NRG3: variants seen among roughly 807,000 people sequenced by gnomAD.
NRG3 encodes pro-neuregulin-3, membrane-bound isoform.
A neutral mutation model predicts 66.9 loss-of-function variants in NRG3; 31 were observed. That is an observed-to-expected ratio of 0.46 (90% CI 0.35 to 0.63). The LOEUF is 0.63. NRG3 is among the 20% of genes least tolerant of loss of function. The probability of loss-of-function intolerance (pLI) is 0.00; values close to 1 mark genes in which losing one functional copy is unlikely to be tolerated. For missense variants in NRG3, 910 were observed against 878.9 expected (o/e 1.04, Z -0.45); for synonymous variants, 393 against 359.4 (o/e 1.09, Z -1.06).
intron 3 of NRG3, among the ~76,000 whole-genome samples, chr10:82,755,856 G>T (rs186668248): frequency 6.6e-6 from 1 of 152,056 alleles, no homozygotes; most frequent in East Asian, 1.9e-4. Context: ...GTTTAATGTC[G>T]CAATCAAACA....
At chr10:82,821,568 T>C (rs887798640) in intron 3 of NRG3, among the ~76,000 whole-genome samples, 1 of 149,916 alleles carries the variant, frequency 6.7e-6, no homozygotes, top group Non-Finnish European at 1.5e-5. Context: ...TGAGGAAAAA[T>C]CCTGGAAATC....
At chr10:82,657,821 G>A (rs586982) in intron 2 of NRG3, among the ~76,000 whole-genome samples, 132,804 of 151,642 alleles carry the variant, frequency 0.88, 58,247 homozygotes, top group Middle Eastern at 0.92. Flanking sequence ...ACTAGAGTTC[G>A]TTCATGAAAA....
intron 2 of NRG3, among the ~76,000 whole-genome samples, chr10:82,639,224 G>A (rs1439041917): frequency 6.6e-6 from 1 of 152,164 alleles, no homozygotes; most frequent in Non-Finnish European, 1.5e-5. Flanking sequence ...AAGTTCAAGT[G>A]TCTAGTGAGA....
At chr10:82,422,568 C>T (rs1258403423) in intron 2 of NRG3, among the ~76,000 whole-genome samples, 1 of 151,954 alleles carries the variant, frequency 6.6e-6, no homozygotes, top group African/African-American at 2.4e-5. Flanking sequence ...TGCCTCAGAG[C>T]CAGAGAAATT....
intron 4 of NRG3, among the ~76,000 whole-genome samples, chr10:82,890,927 T>C (rs547994452): frequency 6.6e-6 from 1 of 152,264 alleles, no homozygotes; most frequent in East Asian, 1.9e-4. Context: ...TTGGATAATC[T>C]GTTTGTGAAG....
chr10:82,222,434 T>A (rs1286189541), intron 1 of NRG3, among the ~76,000 whole-genome samples: 1 of 152,124 alleles, frequency 6.6e-6, no homozygotes, highest in Non-Finnish European at 1.5e-5. Flanking sequence ...GGACAGACAG[T>A]TCTGCCTGTC....
intron 1 of NRG3, among the ~76,000 whole-genome samples, chr10:81,905,602 C>G (rs1215620573): frequency 6.6e-6 from 1 of 152,156 alleles, no homozygotes; most frequent in Non-Finnish European, 1.5e-5. Flanking sequence ...GAGACCTGGA[C>G]CTCTGATTAG....
chr10:82,069,570 C>G (rs1315902423), intron 1 of NRG3, among the ~76,000 whole-genome samples: 1 of 152,136 alleles, frequency 6.6e-6, no homozygotes, highest in Non-Finnish European at 1.5e-5. Context: ...AAGATTCAGA[C>G]TCATGTCTGC....
intron 1 of NRG3, among the ~76,000 whole-genome samples, chr10:82,130,721 A>C (rs1304042438): frequency 3.3e-5 from 5 of 152,072 alleles, no homozygotes; most frequent in African/African-American, 1.2e-4. Context: ...CTGTCTTTGG[A>C]TAAAAGCCAT....
chr10:82,953,208 T>C (rs1255790596), intron 5 of NRG3, among the ~76,000 whole-genome samples: 1 of 152,048 alleles, frequency 6.6e-6, no homozygotes. Context: ...CACACTGGGC[T>C]TCTTATGTGT....
At chr10:82,400,493 T>G (rs1213311750) in intron 2 of NRG3, among the ~76,000 whole-genome samples, 1 of 152,074 alleles carries the variant, frequency 6.6e-6, no homozygotes, top group African/African-American at 2.4e-5. Context: ...ATGACACACA[T>G]GCTGCTGATC....
chr10:82,276,805 A>G (rs2078872052), intron 1 of NRG3, among the ~76,000 whole-genome samples: 1 of 152,028 alleles, frequency 6.6e-6, no homozygotes, highest in South Asian at 2.1e-4. Context: ...CTTACCATGT[A>G]ATACACACTC....
intron 2 of NRG3, among the ~76,000 whole-genome samples, chr10:82,469,193 C>A (rs772432349): frequency 3.3e-5 from 5 of 152,162 alleles, no homozygotes; most frequent in Non-Finnish European, 5.9e-5. Context: ...CTCCTTCATT[C>A]TTTCCCTCCC....
intron 1 of NRG3, among the ~76,000 whole-genome samples, chr10:82,209,271 T>A (rs955196572): frequency 2.6e-5 from 4 of 152,182 alleles, no homozygotes; most frequent in African/African-American, 9.6e-5. Flanking sequence ...TCTAATGCCA[T>A]CTATTTACCA....
intron 3 of NRG3, among the ~76,000 whole-genome samples, chr10:82,848,068 C>T (rs2172939): frequency 0.34 from 51,773 of 152,076 alleles, 9,148 homozygotes; most frequent in African/African-American, 0.45. Context: ...GCTGGAAATG[C>T]ATGAATGGAT....
At chr10:82,825,683 T>C (rs1251338799) in intron 3 of NRG3, among the ~76,000 whole-genome samples, 1 of 152,214 alleles carries the variant, frequency 6.6e-6, no homozygotes, top group African/African-American at 2.4e-5. Context: ...CACAGGCAAA[T>C]TGACATTCAA....
chr10:82,593,517 C>A (rs2047099755), intron 2 of NRG3, among the ~76,000 whole-genome samples: 1 of 151,960 alleles, frequency 6.6e-6, no homozygotes, highest in Non-Finnish European at 1.5e-5. Context: ...ATTGACCACA[C>A]TTCCAGTATG....
chr10:82,469,079 A>G (rs528653212), intron 2 of NRG3, among the ~76,000 whole-genome samples: 2 of 152,280 alleles, frequency 1.3e-5, no homozygotes, highest in South Asian at 2.1e-4. Flanking sequence ...ATGCATTCCT[A>G]AATAAGTTTG....
intron 1 of NRG3, among the ~76,000 whole-genome samples, chr10:82,052,546 C>T (rs994503021): frequency 9.9e-5 from 15 of 152,106 alleles, no homozygotes; most frequent in African/African-American, 3.6e-4. Context: ...ACATTGTTCT[C>T]AATAGTGACT....
Sources: gnomAD v4.1 joint callset for allele counts (sites outside exome capture counted in the v4.1 genomes callset) on GRCh38, gnomAD v4.1.1 for gene constraint, MANE v1.5 for transcripts, NCBI Gene and HGNC (gene_info 2026-07-23, HGNC 2026-07-21) for gene names.